Variants in MAP4K4 observed in about 807,000 individuals in gnomAD.
MAP4K4 encodes the protein HPK/GCK-like kinase HGK.
Under a neutral mutation model 189.6 loss-of-function variants are expected in MAP4K4, and 38 were observed. The observed-to-expected ratio is 0.20, with a 90% confidence interval of 0.15 to 0.26. The LOEUF (loss-of-function observed/expected upper bound fraction) is 0.26. Among genes scored for constraint, MAP4K4 ranks in the 10% least tolerant of loss-of-function variants. The pLI is 1.00. For synonymous variants in MAP4K4, 610 were observed against 624.3 expected (o/e 0.98, Z 0.34); for missense variants, 1,054 against 1,726.9 (o/e 0.61, Z 6.91).
rs71250687 is a variant in MAP4K4, at chr2:101,740,151, CTTTTTTTTTT to C, written c.123+41624_123+41633del. Among the ~76,000 whole-genome samples, 2 of 87,224 alleles carry C rather than the reference CTTTTTTTTTT, an allele frequency of 2.3e-5. 1 individual carries two copies. Among genetic ancestry groups the C allele is most frequent in the Non-Finnish European group, 3.6e-5 (2 of 54,950 alleles). The allele number at this position is 87,224 out of a possible 152,430, so 57.2% of individuals were successfully genotyped here. A position where few individuals can be genotyped will look rare whatever the true frequency, so the allele number is the denominator to read the frequency against. ...TGGCTTCAAAGTTGCTTTATATCAT[CTTTTTTTTTT>C]TTTTTTTTTTGAGACGGAGTCTCGC... On this transcript the variant is annotated intron_variant, in intron 2 of 32. Transcript: ENST00000324219.
chr2:101,796,378 T>C (rs1406808451), intron 3 of MAP4K4, among the ~76,000 whole-genome samples: 1 of 152,186 alleles, frequency 6.6e-6, no homozygotes, highest in Admixed American at 6.5e-5. Context: ...CCCCCTGCTT[T>C]AATGGAGCCT....
intron 2 of MAP4K4, among the ~76,000 whole-genome samples, chr2:101,726,816 T>G (rs1321246256): frequency 6.6e-6 from 1 of 152,206 alleles, no homozygotes; most frequent in African/African-American, 2.4e-5. Context: ...TTGCTCATAA[T>G]AGAATACCTG....
intron 8 of MAP4K4, among the ~76,000 whole-genome samples, chr2:101,835,007 G>A (rs2096706579): frequency 6.6e-6 from 1 of 152,110 alleles, no homozygotes; most frequent in African/African-American, 2.4e-5. Context: ...ATTTTCTGCT[G>A]GTCCCCATTA....
At chr2:101,767,903 C>A (rs141984836) in intron 2 of MAP4K4, among the ~76,000 whole-genome samples, 7 of 152,316 alleles carry the variant, frequency 4.6e-5, no homozygotes, top group African/African-American at 1.7e-4. Context: ...CCCTCACCCC[C>A]CCTTACTTTT....
chr2:101,861,066 G>A, intron 16 of MAP4K4, 80 bp downstream of exon 16: 1 of 1,325,590 alleles, frequency 7.5e-7, no homozygotes, highest in East Asian at 2.5e-5. Flanking sequence ...TAATATCACA[G>A]TTTAGTTTGT....
intron 3 of MAP4K4, among the ~76,000 whole-genome samples, chr2:101,822,281 A>G (rs1432628288): frequency 6.6e-6 from 1 of 152,208 alleles, no homozygotes; most frequent in Non-Finnish European, 1.5e-5. Context: ...CTTAACCACA[A>G]ACAATGTCAC....
intron 17 of MAP4K4, among the ~76,000 whole-genome samples, chr2:101,864,293 G>A (rs1043983908): frequency 7.2e-5 from 11 of 152,212 alleles, no homozygotes; most frequent in African/African-American, 2.6e-4. Flanking sequence ...GTAAGAGTAA[G>A]TCTACAAAGA....
intron 27 of MAP4K4, among the ~76,000 whole-genome samples, chr2:101,879,457 A>G (rs546867862): frequency 1.3e-5 from 2 of 152,280 alleles, no homozygotes; most frequent in South Asian, 2.1e-4. Context: ...CTCTGTAAGT[A>G]TATCTCACAA....
intron 21 of MAP4K4, among the ~76,000 whole-genome samples, chr2:101,868,395 CAGAA>C (rs1013125491): frequency 9.9e-5 from 15 of 152,234 alleles, no homozygotes; most frequent in South Asian, 2.1e-4. Flanking sequence ...AAATTAAAGA[CAGAA>C]AGAGCTACAT....
intron 3 of MAP4K4, among the ~76,000 whole-genome samples, chr2:101,803,160 C>T (rs942090353): frequency 1.3e-5 from 2 of 152,116 alleles, no homozygotes; most frequent in Non-Finnish European, 1.5e-5. Flanking sequence ...TAAACACTGT[C>T]GAATGAACAG....
intron 2 of MAP4K4, among the ~76,000 whole-genome samples, chr2:101,769,154 C>T (rs550713858): frequency 6.7e-4 from 102 of 152,244 alleles, no homozygotes; most frequent in South Asian, 4.1e-3. Flanking sequence ...ATTAAAGTTT[C>T]GTTAAGTGAC....
chr2:101,839,373 A>T (rs2096855067), intron 9 of MAP4K4, among the ~76,000 whole-genome samples: 1 of 152,144 alleles, frequency 6.6e-6, no homozygotes, highest in Non-Finnish European at 1.5e-5. Flanking sequence ...GGTTCAAGAG[A>T]CCCAGCATTT....
chr2:101,797,319 C>T (rs1390155493), intron 3 of MAP4K4: 1 of 1,290,830 alleles, frequency 7.7e-7, no homozygotes, highest in Admixed American at 2.3e-5. Context: ...GTGTTGGTGG[C>T]ACTTTCTCCC....
intron 2 of MAP4K4, among the ~76,000 whole-genome samples, chr2:101,761,756 C>T (rs573823648): frequency 6.6e-6 from 1 of 152,102 alleles, no homozygotes; most frequent in South Asian, 2.1e-4. Context: ...AGGGTTTCAC[C>T]ATGTTGGCCA....
intron 27 of MAP4K4, among the ~76,000 whole-genome samples, chr2:101,880,133 T>C (rs2098341051): frequency 6.6e-6 from 1 of 152,220 alleles, no homozygotes; most frequent in Admixed American, 6.5e-5. Flanking sequence ...TCTGCCAGTT[T>C]GTGGCTTGTT....
chr2:101,890,028 T>G (rs569724162), intron 32 of MAP4K4, among the ~76,000 whole-genome samples: 1 of 152,226 alleles, frequency 6.6e-6, no homozygotes, highest in African/African-American at 2.4e-5. Flanking sequence ...GCTTATACTT[T>G]CCTAAGTATG....
chr2:101,805,560 A>G (rs1381229654), intron 3 of MAP4K4, among the ~76,000 whole-genome samples: 2 of 152,218 alleles, frequency 1.3e-5, no homozygotes, highest in African/African-American at 4.8e-5. Context: ...TGCTGCAGAG[A>G]TAGAAGGGAA....
intron 2 of MAP4K4, among the ~76,000 whole-genome samples, chr2:101,718,609 G>C (rs1384863981): frequency 1.5e-5 from 2 of 129,100 alleles, no homozygotes; most frequent in African/African-American, 5.7e-5. Context: ...GGGATGGGGG[G>C]TGGGGTGGTG....
At chr2:101,891,143 C>A in intron 32 of MAP4K4, 23 bp from the exon 33 acceptor site, 2 of 1,598,344 alleles carry the variant, frequency 1.3e-6, no homozygotes, top group East Asian at 2.2e-5. Flanking sequence ...GTAACCATTC[C>A]CTCTCTTTTC....
Sources: allele counts gnomAD v4.1 joint callset (sites outside exome capture counted in the v4.1 genomes callset), GRCh38; gene constraint gnomAD v4.1.1; transcripts MANE v1.5; gene names NCBI Gene and HGNC (gene_info 2026-07-23, HGNC 2026-07-21).